PTPRN2: variants seen among roughly 807,000 people sequenced by gnomAD.
PTPRN2 encodes the protein protein tyrosine phosphatase receptor type N2, also known as receptor-type tyrosine-protein phosphatase N2.
In PTPRN2, 74 loss-of-function variants were observed where a neutral mutation model predicts 118.8. The observed-to-expected ratio is 0.62, with a 90% CI of 0.52 to 0.76. PTPRN2 has a LOEUF of 0.76. PTPRN2 is among the 30% of genes least tolerant of loss of function. The pLI is 0.00. For missense variants in PTPRN2, 1,481 were observed against 1,394.4 expected, an observed-to-expected ratio of 1.06 and a Z score of -0.99; for synonymous variants, 641 against 608.0, an observed-to-expected ratio of 1.05 and a Z score of -0.80.
intron 2 of PTPRN2, among the ~76,000 whole-genome samples, chr7:158,402,816 G>A (rs1586582903): frequency 6.6e-6 from 1 of 152,128 alleles, no homozygotes; most frequent in African/African-American, 2.4e-5. Flanking sequence ...AGGGTGGTGG[G>A]GGCTCAACCC....
chr7:158,387,713 G>A lies in PTPRN2; in HGVS notation c.164-70781C>T, dbSNP rs113555270. On this transcript the variant is annotated intron_variant, in intron 2 of 22. Transcript: ENST00000389418. ...TGGTGCTGGATGGTCTCATCCAGGC[G>A]GAGGCTGCAGAGCCAGGGCGAAGTT... 2.1e-3 allele frequency among the ~76,000 whole-genome samples: 316 copies of A among 152,302 alleles called. 1 individual carries two copies. Among genetic ancestry groups the A allele is most frequent in the African/African-American group, 6.9e-3 (286 of 41,554 alleles).
chr7:157,982,602 T>G (rs1470334884), intron 11 of PTPRN2, among the ~76,000 whole-genome samples: 1 of 115,520 alleles, frequency 8.7e-6, no homozygotes, highest in Non-Finnish European at 1.7e-5. Flanking sequence ...GAATGCAGAG[T>G]GCAGGGTCCC....
intron 12 of PTPRN2, among the ~76,000 whole-genome samples, chr7:157,896,065 C>T (rs1797094278): frequency 6.6e-6 from 1 of 151,786 alleles, no homozygotes; most frequent in Non-Finnish European, 1.5e-5. Flanking sequence ...CTGGACATCA[C>T]AGGTGCCCAG....
In PTPRN2 at chr7:158,209,489, G is replaced by T. The variant is rs113286708; in HGVS notation, c.278-4216C>A. Among the ~76,000 whole-genome samples the T allele has an allele frequency of 8.1e-3, 1,232 of 152,298 alleles. 17 individuals carry two copies. Among genetic ancestry groups the T allele is most frequent in the African/African-American group, 0.024 (979 of 41,554 alleles). On this transcript the variant is annotated intron_variant, in intron 3 of 22. Transcript: ENST00000389418. Reference sequence around the variant, plus strand: ...AATGATAAAGGGGTAAATTGAGCAAGAGGACATAACAATTGTAAATATATA... The same window carrying T: ...AATGATAAAGGGGTAAATTGAGCAATAGGACATAACAATTGTAAATATATA...
intron 2 of PTPRN2, among the ~76,000 whole-genome samples, chr7:158,355,999 C>A (rs1808359435): frequency 6.6e-6 from 1 of 152,130 alleles, no homozygotes; most frequent in Non-Finnish European, 1.5e-5. Flanking sequence ...AGTGATTGAG[C>A]CCTCAATCAA....
intron 2 of PTPRN2, among the ~76,000 whole-genome samples, chr7:158,428,297 G>A (rs1030876134): frequency 2.6e-5 from 4 of 152,146 alleles, no homozygotes; most frequent in African/African-American, 9.7e-5. Flanking sequence ...GTGACTCGCA[G>A]CGCATCCAAG....
intron 9 of PTPRN2, among the ~76,000 whole-genome samples, chr7:158,129,036 T>C (rs963421730): frequency 4.7e-5 from 7 of 149,078 alleles, no homozygotes; most frequent in African/African-American, 9.9e-5. Context: ...ACACCACATA[T>C]ACAACACACT....
intron 3 of PTPRN2, among the ~76,000 whole-genome samples, chr7:158,259,723 GTGTT>G (rs1277484798): frequency 6.7e-6 from 1 of 148,544 alleles, no homozygotes; most frequent in African/African-American, 2.4e-5. Flanking sequence ...ACAGGTATGT[GTGTT>G]TGTGTGTCCA....
At chr7:158,407,606 CGTCCTGGGTCCTGGGTCCTGG>C (rs1409917070) in intron 2 of PTPRN2, among the ~76,000 whole-genome samples, 1 of 17,264 alleles carries the variant, frequency 5.8e-5, no homozygotes, top group East Asian at 1.3e-3. Context: ...CTGCGTCCTG[CGTCCTGGGTCCTGGGTCCTGG>C]GTCCTGCGTC....
intron 2 of PTPRN2, among the ~76,000 whole-genome samples, chr7:158,344,197 A>G (rs545096790): frequency 2.6e-5 from 4 of 152,182 alleles, no homozygotes; most frequent in Non-Finnish European, 5.9e-5. Flanking sequence ...TACCCAGGAC[A>G]GCACAGACGG....
intron 11 of PTPRN2, among the ~76,000 whole-genome samples, chr7:157,942,688 T>C (rs73167743): frequency 0.14 from 21,889 of 152,026 alleles, 1,670 homozygotes; most frequent in Non-Finnish European, 0.15. Flanking sequence ...AGTCCCTCAC[T>C]GTCTTTCCCC....
intron 3 of PTPRN2, among the ~76,000 whole-genome samples, chr7:158,265,244 A>T (rs955498527): frequency 2.0e-5 from 3 of 152,014 alleles, no homozygotes; most frequent in East Asian, 3.9e-4. Context: ...CTGGTGCTGG[A>T]AACACCCCCA....
At chr7:158,411,743 G>T (rs1390455660) in intron 2 of PTPRN2, among the ~76,000 whole-genome samples, 2 of 152,208 alleles carry the variant, frequency 1.3e-5, no homozygotes, top group African/African-American at 4.8e-5. Context: ...TGGGAGCATG[G>T]TCTCAGGGGC....
Position 157,990,585 on chromosome 7 carries a change from G to A in PTPRN2, c.1723+90713C>T, listed in dbSNP as rs993675057. On this transcript the variant is annotated intron_variant, in intron 11 of 22. Transcript: ENST00000389418. This position sits in a 1 kb window ranked among gnomAD's most constrained non-coding sequence, Gnocchi z 4.3. ...GACACAAGGCAAGGGAGGAGACATCGGTGGATGGGGGAGCAGGGCAGGCTG... is the reference window on the plus strand; with the variant it reads ...GACACAAGGCAAGGGAGGAGACATCAGTGGATGGGGGAGCAGGGCAGGCTG... Among the ~76,000 whole-genome samples the A allele has an allele frequency of 7.2e-5, 11 of 152,272 alleles. No homozygotes were observed. Among genetic ancestry groups the A allele is most frequent in the African/African-American group, 2.2e-4 (9 of 41,552 alleles).
intron 9 of PTPRN2, among the ~76,000 whole-genome samples, chr7:158,129,198 C>T (rs781364380): frequency 2.7e-5 from 4 of 148,720 alleles, no homozygotes; most frequent in Admixed American, 6.7e-5. Context: ...ACACTACACA[C>T]CACAAACAGA....
chr7:158,218,365 T>C (rs1056133083), intron 3 of PTPRN2, among the ~76,000 whole-genome samples: 1 of 151,934 alleles, frequency 6.6e-6, no homozygotes, highest in Non-Finnish European at 1.5e-5. Context: ...AAAGAAGAAA[T>C]AAAATCATTT....
chr7:158,338,784 A>G (rs1198037440), intron 2 of PTPRN2, among the ~76,000 whole-genome samples: 7 of 9,618 alleles, frequency 7.3e-4, no homozygotes, highest in East Asian at 1.9e-3. Context: ...CACCATAAGA[A>G]GTGACACCTG....
intron 22 of PTPRN2, among the ~76,000 whole-genome samples, chr7:157,542,772 C>A (rs867238425): frequency 4.6e-5 from 7 of 152,210 alleles, no homozygotes; most frequent in Admixed American, 3.9e-4. Context: ...AGAAGCTCCA[C>A]CGGGCGTGTG....
Position 158,517,283 on chromosome 7 carries a change from G to A in PTPRN2, c.113-27498C>T, listed in dbSNP as rs1823640553. Among the ~76,000 whole-genome samples the A allele has an allele frequency of 6.6e-6, 1 of 152,228 alleles. No individual in the cohort carries two copies. The highest frequency in any genetic ancestry group is 1.5e-5 in the Non-Finnish European group (1 of 68,040). On this transcript the variant is annotated intron_variant, in intron 1 of 22. Transcript: ENST00000389418. The surrounding 1 kb of genome is among the most constrained non-coding windows in gnomAD (Gnocchi z 5.3). ...AGCCTGCAAGACCAAACAGCCCACAGCCTTGGAGGAGGCAGAGTGCGGGCA... is the reference window on the plus strand; with the variant it reads ...AGCCTGCAAGACCAAACAGCCCACAACCTTGGAGGAGGCAGAGTGCGGGCA...
Sources: allele counts gnomAD v4.1 joint callset (sites outside exome capture counted in the v4.1 genomes callset), GRCh38; gene constraint gnomAD v4.1.1; non-coding constraint Gnocchi (gnomAD v3.1); transcripts MANE v1.5; gene names NCBI Gene and HGNC (gene_info 2026-07-23, HGNC 2026-07-21).